The following SNX29 variants were observed in gnomAD, a reference collection of about 807,000 sequenced individuals.
SNX29 encodes sorting nexin 29.
In SNX29, 78 loss-of-function variants were observed where a neutral mutation model predicts 102.1. The observed-to-expected ratio is 0.76, with a 90% CI of 0.64 to 0.92. The LOEUF (loss-of-function observed/expected upper bound fraction) is 0.92, where lower values mean the gene tolerates loss of function less well. Among genes scored for constraint, SNX29 ranks in the 40% least tolerant of loss-of-function variants. The probability of loss-of-function intolerance (pLI) is 0.00; values close to 1 mark genes in which losing one functional copy is unlikely to be tolerated. For synonymous variants in SNX29, 580 were observed against 414.5 expected (o/e 1.40, Z -4.85); for missense variants, 1,280 against 1,061.7 (o/e 1.21, Z -2.86).
chr16:12,533,910 C>G (rs1372099563), intron 20 of SNX29, among the ~76,000 whole-genome samples: 1 of 152,218 alleles, frequency 6.6e-6, no homozygotes, highest in African/African-American at 2.4e-5. Flanking sequence ...AAATGCACAT[C>G]TTCATATAAA....
At chr16:12,278,116 C>T (rs1360809676) in intron 15 of SNX29, 80 bp downstream of exon 15, 12 of 1,288,128 alleles carry the variant, frequency 9.3e-6, no homozygotes, top group Non-Finnish European at 8.8e-6. Context: ...CCAGCCTATT[C>T]TAAAGACACG....
chr16:12,239,924 A>G (rs894791722), intron 14 of SNX29, among the ~76,000 whole-genome samples: 2 of 152,140 alleles, frequency 1.3e-5, no homozygotes, highest in Admixed American at 6.5e-5. Context: ...TCACCCAAAA[A>G]TAGCCACTAT....
chr16:12,257,600 T>C (rs1217879997), intron 14 of SNX29, among the ~76,000 whole-genome samples: 4 of 152,042 alleles, frequency 2.6e-5, no homozygotes, highest in African/African-American at 9.7e-5. Flanking sequence ...CCTTTAACTC[T>C]TGGGATCAAG....
chr16:12,037,849 T>C (rs777548580), intron 4 of SNX29, among the ~76,000 whole-genome samples: 4 of 151,894 alleles, frequency 2.6e-5, no homozygotes, highest in Admixed American at 6.6e-5. Flanking sequence ...CAGCTACTCA[T>C]GAGCCTGAGA....
At chr16:12,442,375 T>G (rs1271028375) in intron 18 of SNX29, among the ~76,000 whole-genome samples, 1 of 152,200 alleles carries the variant, frequency 6.6e-6, no homozygotes, top group Non-Finnish European at 1.5e-5. Context: ...CCTAACCCTG[T>G]TTCTTCTTTT....
chr16:12,554,356 T>TAC (rs751454225), intron 20 of SNX29, among the ~76,000 whole-genome samples: 7 of 142,482 alleles, frequency 4.9e-5, no homozygotes, highest in Non-Finnish European at 6.0e-5. Flanking sequence ...GCTTTTCCCT[T>TAC]ACCTGTGTCT....
chr16:12,568,701 C>T lies in SNX29; in HGVS notation c.*72C>T, dbSNP rs1289711384. On this transcript the variant is annotated 3_prime_UTR_variant, in exon 21 of 21. Coordinates refer to ENST00000566228, the MANE Select transcript of SNX29 (RefSeq NM_032167.5). ...GTCCACCCCAGCCACTGCCGCTGGC[C>T]CCTCACCTCAGCGTGACAACCACGT... The T allele has an allele frequency of 8.3e-6, 13 of 1,566,010 alleles. No individual in the cohort carries two copies. Among genetic ancestry groups the T allele is most frequent in the Middle Eastern group, 1.7e-4 (1 of 5,908 alleles).
Position 12,073,103 on chromosome 16 carries a change from T to C in SNX29, c.1319+3971T>C, listed in dbSNP as rs984656402. Among the ~76,000 whole-genome samples, 8 of 152,098 alleles carry C rather than the reference T, an allele frequency of 5.3e-5. No individual in the cohort carries two copies. In the East Asian group the frequency reaches 1.2e-3, roughly 22 times the overall value. ...GCTAACGGTCTATCAATTTTGTTGA[T>C]CCTTTCAAAAAACCAGCTCCTGGAT... On this transcript the variant is annotated intron_variant, in intron 10 of 20. Transcript: ENST00000566228.
chr16:12,231,408 C>A (rs1356746844), intron 14 of SNX29, among the ~76,000 whole-genome samples: 4 of 152,120 alleles, frequency 2.6e-5, no homozygotes, highest in African/African-American at 9.7e-5. Context: ...CCCACTTAAT[C>A]GTCTATCACA....
intron 15 of SNX29, among the ~76,000 whole-genome samples, chr16:12,352,798 C>T (rs890010434): frequency 1.3e-5 from 2 of 152,196 alleles, no homozygotes; most frequent in African/African-American, 2.4e-5. Flanking sequence ...TTTGTATCTC[C>T]ACCTGGCATT....
Position 12,027,328 on chromosome 16 carries a change from G to A in SNX29, c.131G>A (p.Cys44Tyr), listed in dbSNP as rs1178370545. The A allele has an allele frequency of 6.2e-7, 1 of 1,613,720 alleles. No individual in the cohort carries two copies. Among genetic ancestry groups the A allele is most frequent in the African/African-American group, 1.3e-5 (1 of 74,918 alleles). Residue 44 changes from cysteine to tyrosine, a missense_variant, in exon 4 of 21, where the codon TGT becomes TAT. By Grantham distance (194) the Cys-to-Tyr change is radical. Coordinates refer to ENST00000566228, the MANE Select transcript of SNX29 (RefSeq NM_032167.5). ...IASDSDSRVTCLCAQFEAVLQ... is the reference protein window; with the variant it reads ...IASDSDSRVTYLCAQFEAVLQ... ...CATTGGTTTTCTCACAGGGTCACCTGTCTGTGTGCCCAGTTTGAAGCCGTC... is the reference window on the plus strand; with the variant it reads ...CATTGGTTTTCTCACAGGGTCACCTATCTGTGTGCCCAGTTTGAAGCCGTC...
At chr16:12,036,987 C>A (rs775573149) in intron 4 of SNX29, among the ~76,000 whole-genome samples, 4 of 152,046 alleles carry the variant, frequency 2.6e-5, no homozygotes, top group African/African-American at 7.2e-5. Context: ...CTCCATCTGT[C>A]GTCCCTCACC....
chr16:12,548,740 T>C (rs974792321), intron 20 of SNX29, among the ~76,000 whole-genome samples: 4 of 151,986 alleles, frequency 2.6e-5, no homozygotes, highest in Admixed American at 6.6e-5. Context: ...GGCTCCAAGG[T>C]GTTTTCTGTG....
intron 18 of SNX29, among the ~76,000 whole-genome samples, chr16:12,449,689 C>A (rs1041927750): frequency 6.6e-6 from 1 of 152,160 alleles, no homozygotes; most frequent in South Asian, 2.1e-4. Context: ...TCTGAGGTTA[C>A]GCAGGTTGCA....
chr16:12,218,422 C>T (rs1178904821), intron 14 of SNX29, among the ~76,000 whole-genome samples: 2 of 152,198 alleles, frequency 1.3e-5, no homozygotes, highest in African/African-American at 2.4e-5. Flanking sequence ...GGGCATGCCA[C>T]CTTTTTAAAT....
chr16:12,265,270 G>A (rs75682122), intron 14 of SNX29, among the ~76,000 whole-genome samples: 8 of 152,154 alleles, frequency 5.3e-5, no homozygotes, highest in East Asian at 3.8e-4. Context: ...TTTCACTTGG[G>A]GGGGAGAAAC....
chr16:12,557,469 C>T (rs551119847), intron 20 of SNX29: 1 of 152,326 alleles, frequency 6.6e-6, no homozygotes, highest in African/African-American at 2.4e-5. Flanking sequence ...TCAAGCAATT[C>T]TCCTGCTTCA....
At chr16:12,509,790 C>T (rs910148048) in intron 19 of SNX29, among the ~76,000 whole-genome samples, 1 of 152,184 alleles carries the variant, frequency 6.6e-6, no homozygotes, top group Non-Finnish European at 1.5e-5. Flanking sequence ...AGATCCACCC[C>T]TCCATTCCGC....
intron 13 of SNX29, among the ~76,000 whole-genome samples, chr16:12,198,130 C>CTT (rs942152409): frequency 1.3e-5 from 2 of 152,036 alleles, no homozygotes; most frequent in Admixed American, 1.3e-4. Flanking sequence ...CATAGAGACT[C>CTT]TGAGTGTTTT....
Sources: allele counts gnomAD v4.1 joint callset (sites outside exome capture counted in the v4.1 genomes callset), GRCh38; gene constraint gnomAD v4.1.1; transcripts MANE v1.5; gene names NCBI Gene and HGNC (gene_info 2026-07-23, HGNC 2026-07-21).